The following GATAD2A variants were observed in gnomAD, a reference collection of about 807,000 sequenced individuals.
GATAD2A encodes GATA zinc finger domain containing 2A.
In GATAD2A, 12 loss-of-function variants were observed where a neutral mutation model predicts 68.5. The observed-to-expected ratio is 0.18, with a 90% CI of 0.11 to 0.28. GATAD2A has a LOEUF of 0.28. GATAD2A is among the 10% of genes least tolerant of loss of function. The pLI is 1.00. For synonymous variants in GATAD2A, 410 were observed against 375.3 expected, an observed-to-expected ratio of 1.09 and a Z score of -1.07; for missense variants, 755 against 868.5, an observed-to-expected ratio of 0.87 and a Z score of 1.64.
intron 2 of GATAD2A, among the ~76,000 whole-genome samples, chr19:19,474,784 G>C (rs958866833): frequency 3.3e-5 from 5 of 152,216 alleles, no homozygotes; most frequent in Non-Finnish European, 7.3e-5. Context: ...CCCCCAAAAT[G>C]GTCTGTGCTT....
At chr19:19,465,049 C>G in intron 1 of GATAD2A, 1 of 503,054 alleles carries the variant, frequency 2.0e-6, no homozygotes, top group East Asian at 3.5e-5. Context: ...TTCCACTGCT[C>G]CTGTTCAGCA....
intron 2 of GATAD2A, among the ~76,000 whole-genome samples, chr19:19,467,696 G>T (rs532607651): frequency 6.6e-6 from 1 of 152,050 alleles, no homozygotes; most frequent in African/African-American, 2.4e-5. Context: ...TCTTATGACC[G>T]AATCTGGGCA....
intron 7 of GATAD2A, among the ~76,000 whole-genome samples, chr19:19,497,392 T>A (rs2148450999): frequency 6.6e-6 from 1 of 152,372 alleles, no homozygotes; most frequent in East Asian, 1.9e-4. Context: ...CACCACATCC[T>A]GCCCACCCGT....
At chr19:19,470,874 C>A (rs144254866) in intron 2 of GATAD2A, among the ~76,000 whole-genome samples, 1 of 152,092 alleles carries the variant, frequency 6.6e-6, no homozygotes, top group Non-Finnish European at 1.5e-5. Context: ...GTAAACTTAC[C>A]GTATGACTTA....
intron 1 of GATAD2A, among the ~76,000 whole-genome samples, chr19:19,435,607 T>C (rs543436666): frequency 2.0e-5 from 3 of 152,260 alleles, no homozygotes; most frequent in Non-Finnish European, 2.9e-5. Flanking sequence ...CCTAGCACTT[T>C]GGGAGGTCGA....
At chr19:19,502,274 C>T (rs1357615928) in intron 10 of GATAD2A, 57 bp from the exon 11 acceptor site, 5 of 1,353,396 alleles carry the variant, frequency 3.7e-6, no homozygotes, top group East Asian at 4.6e-5. Flanking sequence ...CGCTGAGTGT[C>T]TCGCCTGCTG....
chr19:19,421,791 A>G (rs1211951360), intron 1 of GATAD2A, among the ~76,000 whole-genome samples: 4 of 150,732 alleles, frequency 2.7e-5, no homozygotes, highest in South Asian at 2.1e-4. Flanking sequence ...GTAGTCTGAC[A>G]GATTTCTTCA....
chr19:19,484,531 T>TC (rs1568326473), intron 2 of GATAD2A, among the ~76,000 whole-genome samples: 16 of 126,634 alleles, frequency 1.3e-4, no homozygotes, highest in Non-Finnish European at 2.0e-4. Flanking sequence ...TTTTTTTTTT[T>TC]CTTTTTTTTT....
chr19:19,391,254 G>C (rs2048824675), intron 1 of GATAD2A, among the ~76,000 whole-genome samples: 1 of 152,158 alleles, frequency 6.6e-6, no homozygotes, highest in Non-Finnish European at 1.5e-5. Context: ...CCCCTGGTGG[G>C]CTGCTCCTAT....
intron 1 of GATAD2A, among the ~76,000 whole-genome samples, chr19:19,421,724 C>T (rs556515044): frequency 2.6e-5 from 4 of 152,172 alleles, no homozygotes; most frequent in Middle Eastern, 3.4e-3. Flanking sequence ...TGTGGGGCCC[C>T]GTCTTACTCT....
intron 2 of GATAD2A, among the ~76,000 whole-genome samples, chr19:19,477,635 G>A (rs1390386155): frequency 2.0e-5 from 3 of 152,212 alleles, no homozygotes; most frequent in African/African-American, 4.8e-5. Context: ...TAGATTGTTG[G>A]ATGCAGGAAG....
At chr19:19,409,206 T>C (rs987489877) in intron 1 of GATAD2A, among the ~76,000 whole-genome samples, 3 of 152,148 alleles carry the variant, frequency 2.0e-5, no homozygotes, top group Admixed American at 6.6e-5. Context: ...TCTGGAGAAC[T>C]ACCTGCTTGG....
At chr19:19,418,012 C>T (rs1469712) in intron 1 of GATAD2A, among the ~76,000 whole-genome samples, 1 of 151,588 alleles carries the variant, frequency 6.6e-6, no homozygotes. Flanking sequence ...GGGCACTCAG[C>T]TAAAGGGCGG....
At chr19:19,419,050 C>T (rs1286136890) in intron 1 of GATAD2A, among the ~76,000 whole-genome samples, 1 of 152,108 alleles carries the variant, frequency 6.6e-6, no homozygotes, top group East Asian at 1.9e-4. Flanking sequence ...AGGGCCTGTA[C>T]CCTCCACCAT....
intron 1 of GATAD2A, among the ~76,000 whole-genome samples, chr19:19,413,643 G>A (rs1254310446): frequency 6.6e-6 from 1 of 152,030 alleles, no homozygotes; most frequent in African/African-American, 2.4e-5. Context: ...GTGCAGTGGC[G>A]CAATCTCGGC....
At chr19:19,450,510 C>T (rs1219874391) in intron 1 of GATAD2A, among the ~76,000 whole-genome samples, 1 of 152,080 alleles carries the variant, frequency 6.6e-6, no homozygotes, top group Non-Finnish European at 1.5e-5. Context: ...ATGTGTGCTG[C>T]TCATGTCTTT....
intron 1 of GATAD2A, among the ~76,000 whole-genome samples, chr19:19,440,837 TTGAC>T (rs563544182): frequency 1.5e-4 from 23 of 152,356 alleles, no homozygotes; most frequent in Middle Eastern, 3.4e-3. Flanking sequence ...AAAACGTAGT[TTGAC>T]TGTAAATGTT....
chr19:19,473,954 A>G, intron 2 of GATAD2A: 2 of 766,808 alleles, frequency 2.6e-6, no homozygotes, highest in Non-Finnish European at 3.2e-6. Flanking sequence ...TCAAAAAAAC[A>G]AAAACAACAC....
At chr19:19,498,855 A>T in intron 8 of GATAD2A, 133 bp downstream of exon 8, 1 of 721,930 alleles carries the variant, frequency 1.4e-6, no homozygotes, top group Non-Finnish European at 2.3e-6. Flanking sequence ...TGGGCTTGGC[A>T]GGGACACCGT....
Sources: allele counts gnomAD v4.1 joint callset (sites outside exome capture counted in the v4.1 genomes callset), GRCh38; gene constraint gnomAD v4.1.1; transcripts MANE v1.5; gene names NCBI Gene and HGNC (gene_info 2026-07-23, HGNC 2026-07-21).